The following NRK variants were observed in gnomAD, a reference collection of about 807,000 sequenced individuals.
The protein encoded by NRK is nik-related protein kinase.
NRK carries 67 observed loss-of-function variants against 125.2 expected under a neutral mutation model. The ratio of observed to expected loss-of-function variants is 0.54; its 90% CI spans 0.44 to 0.66. NRK has a LOEUF of 0.66. Ranked by LOEUF, NRK falls within the 30% of genes least tolerant of loss-of-function variation. The pLI, the probability that NRK is intolerant of heterozygous loss-of-function variation, is 0.00. For synonymous variants in NRK, 458 were observed against 429.0 expected (o/e 1.07, Z -0.84); for missense variants, 1,224 against 1,192.9 (o/e 1.03, Z -0.38).
intron 7 of NRK, among the ~76,000 whole-genome samples, chrX:105,897,740 T>G (rs2040103577): frequency 1.8e-5 from 2 of 112,238 alleles, no homozygotes; most frequent in South Asian, 7.3e-4. Context: ...TTGTGGACAT[T>G]TTTTTGTTGT....
At chrX:105,913,237 G>C (rs2040324593) in intron 14 of NRK, among the ~76,000 whole-genome samples, 1 of 111,649 alleles carries the variant, frequency 9.0e-6, no homozygotes, top group African/African-American at 3.2e-5. Flanking sequence ...AGATAATTGA[G>C]TAAATTATTG....
intron 20 of NRK, 45 bp from the exon 21 acceptor site, chrX:105,935,125 A>G: frequency 1.9e-6 from 2 of 1,026,541 alleles, no homozygotes; most frequent in Non-Finnish European, 2.7e-6. Context: ...CATCATGCAC[A>G]GAACTAGTAA....
intron 2 of NRK, among the ~76,000 whole-genome samples, chrX:105,835,364 G>A (rs1488102021): frequency 1.8e-5 from 2 of 110,750 alleles, no homozygotes; most frequent in Non-Finnish European, 3.8e-5. Flanking sequence ...GTGTATCTGT[G>A]CTTCAAAGAG....
intron 2 of NRK, among the ~76,000 whole-genome samples, chrX:105,864,976 T>A (rs2039650867): frequency 9.0e-6 from 1 of 111,527 alleles, no homozygotes; most frequent in Non-Finnish European, 1.9e-5. Flanking sequence ...AAAGCAGGGT[T>A]CTATTCTTCT....
At chrX:105,880,110 A>G in intron 2 of NRK, 89 bp from the exon 3 acceptor site, 3 of 372,196 alleles carry the variant, frequency 8.1e-6, no homozygotes, top group Non-Finnish European at 1.4e-5. Flanking sequence ...TGTATTCGAC[A>G]CTAATTTTAA....
chrX:105,828,622 T>G (rs2147635129), intron 1 of NRK, among the ~76,000 whole-genome samples: 1 of 112,039 alleles, frequency 8.9e-6, no homozygotes, highest in Admixed American at 9.5e-5. Context: ...TGTTTGATTA[T>G]TTTGACAGAT....
rs200701058 is a variant in NRK at position 105,934,348 on chromosome X, T to C, written c.3403T>C (p.Ser1135Pro). 16 of 1,191,253 alleles carry C rather than the reference T, an allele frequency of 1.3e-5. No homozygotes were observed. Among genetic ancestry groups the C allele is most frequent in the Middle Eastern group, 2.3e-4 (1 of 4,328 alleles). Residue 1135 changes from serine (S) to proline (P), a missense_variant, in exon 20 of 29, where the codon TCA (serine) becomes CCA (proline). Physicochemically the swap from Ser to Pro is moderately conservative, Grantham distance 74. Coordinates refer to ENST00000243300, the MANE Select transcript of NRK (RefSeq NM_198465.4). ...TCATGAGAGTGACAATAAGGACATATCAGAATCATCAACACAATCAGATTT... is the reference window on the plus strand; with the variant it reads ...TCATGAGAGTGACAATAAGGACATACCAGAATCATCAACACAATCAGATTT... ...PDHESDNKDI[S>P]ESSTQSDFSA... is the part of the protein sequence containing the mutation.
intron 8 of NRK, 151 bp from the exon 9 acceptor site, chrX:105,900,467 A>T: frequency 2.3e-6 from 1 of 435,061 alleles, no homozygotes; most frequent in Admixed American, 3.9e-5. Flanking sequence ...TCTTCCTATA[A>T]TGTCACTCTA....
At chrX:105,934,186 C>A in intron 19 of NRK, 72 bp from the exon 20 acceptor site, 1 of 594,888 alleles carries the variant, frequency 1.7e-6, no homozygotes, top group Non-Finnish European at 2.6e-6. Flanking sequence ...TTCAAACGAC[C>A]CCTCACTAGG....
At position 105,898,792 on chromosome X, in the gene NRK, C is replaced by CA. The variant is rs2040119229; in HGVS notation, c.711+84dup. 1.1e-5 allele frequency: 10 copies of CA among 873,099 alleles called. No individual in the cohort carries two copies. In the South Asian group the frequency reaches 3.4e-4, roughly 30 times the overall value. 72.0% of individuals were successfully genotyped at this position (873,099 alleles called of 1,213,427 possible). A position where few individuals can be genotyped will look rare whatever the true frequency, so the allele number is the denominator to read the frequency against. On this transcript the variant is annotated intron_variant, in intron 8 of 28. Coordinates refer to ENST00000243300, the MANE Select transcript of NRK (RefSeq NM_198465.4). Reference sequence around the variant, plus strand: ...TTAACATTTATTTTTAATGATAAAACAAAAAATAAAAAGCAGGCAGCTCCA... The same window carrying CA: ...TTAACATTTATTTTTAATGATAAAACAAAAAAATAAAAAGCAGGCAGCTCCA...
chrX:105,931,507 T>C (rs1307208664), intron 19 of NRK, among the ~76,000 whole-genome samples: 2 of 111,512 alleles, frequency 1.8e-5, no homozygotes, highest in Non-Finnish European at 3.8e-5. Flanking sequence ...GTGGTGGCAA[T>C]TGGGGCTGAT....
intron 14 of NRK, among the ~76,000 whole-genome samples, chrX:105,913,135 G>C (rs1198569927): frequency 9.0e-6 from 1 of 111,578 alleles, no homozygotes; most frequent in Non-Finnish European, 1.9e-5. Context: ...CATTCAATCT[G>C]TTGCCATGTG....
At chrX:105,900,945 C>T in intron 9 of NRK, among the ~76,000 whole-genome samples, 1 of 110,834 alleles carries the variant, frequency 9.0e-6, no homozygotes, top group East Asian at 2.8e-4. Context: ...AGTGTTGTTT[C>T]CATTTAGTCT....
rs2040155967 is a variant in NRK at position 105,901,451 on chromosome X, G to A, written c.766+779G>A. Among the ~76,000 whole-genome samples the A allele has an allele frequency of 3.6e-5, 4 of 111,535 alleles. No individual in the cohort carries two copies. The South Asian group carries it at 1.5e-3, about 42-fold the overall frequency. On this transcript the variant is annotated intron_variant, in intron 9 of 28. Transcript: ENST00000243300. ...CATCTTTGGTATTGTTGGATGAGAA[G>A]TGTAAAGTAATGCCTTCTGGGGTAT...
At chrX:105,938,348 A>G (rs1747042926) in intron 22 of NRK, among the ~76,000 whole-genome samples, 1 of 111,926 alleles carries the variant, frequency 8.9e-6, no homozygotes, top group African/African-American at 3.2e-5. Context: ...TAATTAGTGC[A>G]CAAATTGCCA....
rs186218595 is a variant in NRK at position 105,861,506 on chromosome X, C to T, written c.124-18693C>T. Among the ~76,000 whole-genome samples the T allele has an allele frequency of 2.7e-5, 3 of 111,607 alleles. No individual in the cohort carries two copies. The East Asian group carries it at 8.5e-4, about 32-fold the overall frequency. On this transcript the variant is annotated intron_variant, in intron 2 of 28. Transcript: ENST00000243300. ...TTCTTTTAGGAGTTTTATAGCTTTA[C>T]GTCTTACAGTTAGGTAGCTGATCCA...
chrX:105,927,515 T>C (rs1435518808), intron 19 of NRK, among the ~76,000 whole-genome samples: 2 of 111,547 alleles, frequency 1.8e-5, no homozygotes, highest in Non-Finnish European at 3.8e-5. Flanking sequence ...CAGAACTAAG[T>C]TGAATAAGAG....
At chrX:105,822,044 C>T (rs761906119), upstream of NRK, among the ~76,000 whole-genome samples, 24 of 112,608 alleles carry the variant, frequency 2.1e-4, no homozygotes, top group African/African-American at 7.7e-4. Context: ...CAAGTCATTT[C>T]CTTCTGTAAC....
intron 2 of NRK, among the ~76,000 whole-genome samples, chrX:105,878,063 G>T (rs1000503177): frequency 1.8e-5 from 2 of 111,033 alleles, no homozygotes; most frequent in African/African-American, 6.5e-5. Flanking sequence ...TAGAATCAAG[G>T]AAGGAAGCAT....
Sources: allele counts gnomAD v4.1 joint callset (sites outside exome capture counted in the v4.1 genomes callset), GRCh38; gene constraint gnomAD v4.1.1; transcripts MANE v1.5; gene names NCBI Gene and HGNC (gene_info 2026-07-23, HGNC 2026-07-21).